The following ITK variants were observed in gnomAD, a reference collection of about 807,000 sequenced individuals.
ITK encodes tyrosine-protein kinase ITK/TSK.
Under a neutral mutation model 87.6 loss-of-function variants are expected in ITK, and 45 were observed. That is an observed-to-expected ratio of 0.51 (90% CI 0.40 to 0.66). The LOEUF (loss-of-function observed/expected upper bound fraction) is 0.66, where lower values mean the gene tolerates loss of function less well. Among genes scored for constraint, ITK ranks in the 30% least tolerant of loss-of-function variants. The pLI is 0.00. For synonymous variants in ITK, 303 were observed against 273.6 expected, an observed-to-expected ratio of 1.11 and a Z score of -1.06; for missense variants, 605 against 766.3, an observed-to-expected ratio of 0.79 and a Z score of 2.48.
rs761462022 is a variant in ITK at position 157,222,894 on chromosome 5, T to G, written c.527T>G (p.Val176Gly). The change falls in exon 6 of 17, where the codon GTC becomes GGC. Residue 176 changes from valine to glycine, a missense_variant. By Grantham distance (109) the Val-to-Gly change is moderately radical. This residue lies in a region of ITK where 464 missense variants were observed against 578.0 expected (regional missense o/e 0.80). Coordinates refer to ENST00000422843, the MANE Select transcript of ITK (RefSeq NM_005546.4). The stretch of plus-strand genomic sequence containing the variant: ...CTTTGGGAACCTGAAGAAACTGTGG[T>G]CATTGCCTTATATGACTACCAAACC... ...RPLWEPEETVVIALYDYQTND... is the reference protein window; with the variant it reads ...RPLWEPEETVGIALYDYQTND... 11 of 1,614,088 alleles carry G rather than the reference T, an allele frequency of 6.8e-6. No individual in the cohort carries two copies. Among genetic ancestry groups the G allele is most frequent in the Non-Finnish European group, 8.5e-6 (10 of 1,180,014 alleles).
chr5:157,254,456 T>A lies in ITK; in HGVS notation c.*1778T>A. 4.5e-6 allele frequency: 1 copy of A among 221,560 alleles called. No homozygotes were observed. The highest frequency in any genetic ancestry group is 9.0e-6 in the Non-Finnish European group (1 of 110,670). 13.7% of individuals were successfully genotyped at this position (221,560 alleles called of 1,614,324 possible). On this transcript the variant is annotated 3_prime_UTR_variant, in exon 17 of 17. Coordinates refer to ENST00000422843, the MANE Select transcript of ITK (RefSeq NM_005546.4). ...TTTAATTATCATTCCAACTTTCAGCTGTAGTCTTCTTGAACACTTCATGAG... is the reference window on the plus strand; with the variant it reads ...TTTAATTATCATTCCAACTTTCAGCAGTAGTCTTCTTGAACACTTCATGAG...
At chr5:157,224,654 G>A (rs1354006678) in intron 6 of ITK, among the ~76,000 whole-genome samples, 2 of 152,076 alleles carry the variant, frequency 1.3e-5, no homozygotes, top group South Asian at 2.1e-4. Context: ...GGTGGCAGGC[G>A]CCTGTGATTC....
rs938593414 is a variant in ITK at position 157,248,764 on chromosome 5, G to T, written c.1634-86G>T. 5 of 1,437,440 alleles carry T rather than the reference G, an allele frequency of 3.5e-6. No individual in the cohort carries two copies. The African/African-American group carries it at 7.0e-5, about 20-fold the overall frequency. The allele number at this position is 1,437,440 out of a possible 1,614,324, so 89.0% of individuals were successfully genotyped here. On this transcript the variant is annotated intron_variant, in intron 15 of 16. Coordinates refer to ENST00000422843, the MANE Select transcript of ITK (RefSeq NM_005546.4). ...GGTAGCACATGAATCCTAATGCAAGGAGTCTGTAATTTCTAGAGGCAGGTT... is the reference window on the plus strand; with the variant it reads ...GGTAGCACATGAATCCTAATGCAAGTAGTCTGTAATTTCTAGAGGCAGGTT...
chr5:157,250,579 C>T (rs1225962010), intron 16 of ITK, among the ~76,000 whole-genome samples: 1 of 151,262 alleles, frequency 6.6e-6, no homozygotes, highest in African/African-American at 2.4e-5. Flanking sequence ...TGCAGTGGTG[C>T]AATCTCAGCT....
chr5:157,217,864 C>A lies in ITK; in HGVS notation c.455-3C>A, dbSNP rs1228968310. On this transcript the variant is annotated splice_region_variant and splice_polypyrimidine_tract_variant and intron_variant, in intron 4 of 16. Transcript: ENST00000422843. ...TTTTCTTTTCCTGTTTTTCTCTTTT[C>A]AGCTTCAAAGAAGCCTCTTCCTCCT... The A allele has an allele frequency of 6.2e-7, 1 of 1,613,590 alleles. No homozygotes were observed. Among genetic ancestry groups the A allele is most frequent in the African/African-American group, 1.3e-5 (1 of 74,892 alleles).
At chr5:157,237,600 A>G (rs1439616260) in intron 8 of ITK, among the ~76,000 whole-genome samples, 1 of 152,240 alleles carries the variant, frequency 6.6e-6, no homozygotes, top group African/African-American at 2.4e-5. Context: ...GTGCCTTTGT[A>G]GGGAAATGGA....
At chr5:157,181,634 C>T (rs531957567) in intron 1 of ITK, among the ~76,000 whole-genome samples, 6 of 152,266 alleles carry the variant, frequency 3.9e-5, no homozygotes, top group Non-Finnish European at 7.4e-5. Context: ...CAATACTCGT[C>T]GCTAGCCTGA....
rs1004883354 is a variant in ITK at position 157,254,610 on chromosome 5, C to T, written c.*1932C>T. ...ATAATTATTGTGAAGTGGAGAGCCT[C>T]AAGATAAAACTCTGTCATTCAGAAG... is the stretch of plus-strand genomic sequence containing the variant. On this transcript the variant is annotated 3_prime_UTR_variant, in exon 17 of 17. Coordinates refer to ENST00000422843, the MANE Select transcript of ITK (RefSeq NM_005546.4). The T allele has an allele frequency of 9.2e-6, 2 of 218,180 alleles. No homozygotes were observed. The highest frequency in any genetic ancestry group is 1.8e-5 in the Non-Finnish European group (2 of 108,680). 13.5% of individuals were successfully genotyped at this position (218,180 alleles called of 1,614,324 possible).
intron 1 of ITK, among the ~76,000 whole-genome samples, chr5:157,198,176 C>A (rs1288717939): frequency 6.6e-6 from 1 of 151,742 alleles, no homozygotes; most frequent in Admixed American, 6.6e-5. Flanking sequence ...CTACTCCCAG[C>A]CCCCAGGACC....
At chr5:157,198,346 C>CT (rs1190014310) in intron 1 of ITK, among the ~76,000 whole-genome samples, 4 of 152,018 alleles carry the variant, frequency 2.6e-5, no homozygotes, top group African/African-American at 4.8e-5. Context: ...AAAAGTCTCA[C>CT]TTTTTTCATT....
At chr5:157,220,192 G>T (rs751252420) in intron 5 of ITK, among the ~76,000 whole-genome samples, 10 of 152,126 alleles carry the variant, frequency 6.6e-5, no homozygotes, top group Non-Finnish European at 1.5e-4. Flanking sequence ...GTCCTCCGGG[G>T]ACTGGCCAGT....
intron 16 of ITK, among the ~76,000 whole-genome samples, chr5:157,250,371 C>G (rs892694055): frequency 6.6e-6 from 1 of 152,172 alleles, no homozygotes; most frequent in Admixed American, 6.5e-5. Context: ...TAAGGTCCCT[C>G]CATGTCTTTT....
intron 6 of ITK, among the ~76,000 whole-genome samples, chr5:157,223,315 G>T (rs1436380487): frequency 6.6e-6 from 1 of 152,100 alleles, no homozygotes; most frequent in Non-Finnish European, 1.5e-5. Flanking sequence ...CAATTTGGGA[G>T]CTTGGCAATT....
chr5:157,237,589 T>G (rs1373582036), intron 8 of ITK, among the ~76,000 whole-genome samples: 1 of 152,228 alleles, frequency 6.6e-6, no homozygotes, highest in Non-Finnish European at 1.5e-5. Context: ...AGGACAGTTT[T>G]GTGCCTTTGT....
chr5:157,242,300 G>A (rs1403029660), intron 11 of ITK, among the ~76,000 whole-genome samples: 4 of 152,114 alleles, frequency 2.6e-5, no homozygotes, highest in Non-Finnish European at 5.9e-5. Context: ...TGCATCCCTT[G>A]GTCCCAACTG....
At chr5:157,203,743 G>A (rs1224811396) in intron 1 of ITK, among the ~76,000 whole-genome samples, 1 of 152,214 alleles carries the variant, frequency 6.6e-6, no homozygotes, top group Non-Finnish European at 1.5e-5. Flanking sequence ...TAAATGAGAA[G>A]ATAGTTTGAG....
chr5:157,250,122 G>A (rs1196930237), intron 16 of ITK, among the ~76,000 whole-genome samples: 1 of 152,146 alleles, frequency 6.6e-6, no homozygotes, highest in African/African-American at 2.4e-5. Flanking sequence ...TTGTGCTGTA[G>A]AGTTCTGTAG....
intron 11 of ITK, among the ~76,000 whole-genome samples, chr5:157,243,216 C>T (rs991002514): frequency 1.3e-5 from 2 of 152,140 alleles, no homozygotes; most frequent in Non-Finnish European, 2.9e-5. Context: ...TTTAACTGCC[C>T]CTCTGCCCCA....
chr5:157,219,480 A>G (rs1378479138), intron 5 of ITK, among the ~76,000 whole-genome samples: 1 of 151,986 alleles, frequency 6.6e-6, no homozygotes, highest in African/African-American at 2.4e-5. Context: ...TTCAGATTCC[A>G]TTTCCTCATG....
Sources: gnomAD v4.1 joint callset for allele counts (sites outside exome capture counted in the v4.1 genomes callset) on GRCh38, gnomAD v4.1.1 for gene constraint, gnomAD v4.1.1 regional missense constraint, MANE v1.5 for transcripts, NCBI Gene and HGNC (gene_info 2026-07-23, HGNC 2026-07-21) for gene names.